Variants in ITGAL observed in about 807,000 individuals in gnomAD.
ITGAL encodes integrin alpha-L.
Under a neutral mutation model 138.4 loss-of-function variants are expected in ITGAL, and 68 were observed. That is an observed-to-expected ratio of 0.49 (90% CI 0.40 to 0.60). The LOEUF (loss-of-function observed/expected upper bound fraction) is 0.60, where lower values mean the gene tolerates loss of function less well. Ranked by LOEUF, ITGAL falls within the 20% of genes least tolerant of loss-of-function variation. The probability of loss-of-function intolerance (pLI) is 0.00; values close to 1 mark genes in which losing one functional copy is unlikely to be tolerated. For synonymous variants in ITGAL, 561 were observed against 584.3 expected (o/e 0.96, Z 0.57); for missense variants, 1,256 against 1,478.6 (o/e 0.85, Z 2.47).
Position 30,474,284 on chromosome 16 carries a change from G to T in ITGAL, c.150G>T (p.Leu50=). 6.2e-7 allele frequency: 1 copy of T among 1,606,178 alleles called. No homozygotes were observed. Among genetic ancestry groups the T allele is most frequent in the Non-Finnish European group, 8.5e-7 (1 of 1,176,174 alleles). The change falls in exon 2 of 31, where the codon CTG becomes CTT. Residue 50 remains leucine, a synonymous_variant. Transcript: ENST00000356798. ...RAGRHFGYRV[L]QVGNGVIVGA... Reference sequence around the variant, plus strand: ...GGAGGCACTTTGGATACCGCGTCCTGCAGGTCGGAAACGGGTGAGCTGTGC... The same window carrying T: ...GGAGGCACTTTGGATACCGCGTCCTTCAGGTCGGAAACGGGTGAGCTGTGC...
Position 30,494,614 on chromosome 16 carries a change from T to C in ITGAL, c.1366-99T>C. 1.4e-6 allele frequency: 2 copies of C among 1,401,848 alleles called. No individual in the cohort carries two copies. Among genetic ancestry groups the C allele is most frequent in the Middle Eastern group, 2.7e-4 (1 of 3,708 alleles). 86.8% of individuals were successfully genotyped at this position (1,401,848 alleles called of 1,614,324 possible). On this transcript the variant is annotated intron_variant, in intron 12 of 30. Transcript: ENST00000356798. This position sits in a 1 kb window ranked among gnomAD's most constrained non-coding sequence, Gnocchi z 4.2. Reference sequence around the variant, plus strand: ...GGTGGATCCAAGATTGGAACCTGCATTTGAGGGAGTGGCACAAGATGAACA... The same window carrying C: ...GGTGGATCCAAGATTGGAACCTGCACTTGAGGGAGTGGCACAAGATGAACA...
chr16:30,518,322 G>A (rs2151208379), intron 28 of ITGAL, among the ~76,000 whole-genome samples: 1 of 152,060 alleles, frequency 6.6e-6, no homozygotes, highest in South Asian at 2.1e-4. Context: ...GGTGGCACAT[G>A]CCTGTAATCC....
At chr16:30,506,877 T>G in intron 21 of ITGAL, 21 bp downstream of exon 21, 1 of 1,612,928 alleles carries the variant, frequency 6.2e-7, no homozygotes, top group Non-Finnish European at 8.5e-7. Context: ...GGACAGCGCC[T>G]GCCTGCGGGC....
intron 9 of ITGAL, 122 bp downstream of exon 9, chr16:30,484,385 G>A: frequency 1.1e-6 from 1 of 876,594 alleles, no homozygotes; most frequent in East Asian, 2.6e-5. Context: ...GAGGCAGGTG[G>A]ATCAATTGAG....
chr16:30,481,871 T>A (rs923329234), intron 7 of ITGAL, among the ~76,000 whole-genome samples: 2 of 151,888 alleles, frequency 1.3e-5, no homozygotes, highest in African/African-American at 4.8e-5. Context: ...GAAGTTTTTG[T>A]TTGTTTGTTT....
At chr16:30,486,851 A>G (rs1038843232) in intron 9 of ITGAL, among the ~76,000 whole-genome samples, 11 of 152,312 alleles carry the variant, frequency 7.2e-5, no homozygotes, top group African/African-American at 2.6e-4. Context: ...ACTGGAGTGC[A>G]GTAGTGCGAT....
intron 9 of ITGAL, among the ~76,000 whole-genome samples, chr16:30,487,138 G>A (rs1184888684): frequency 1.7e-5 from 2 of 116,662 alleles, no homozygotes; most frequent in African/African-American, 3.4e-5. Context: ...GTGAGACTCC[G>A]TCTCAAAAAA....
chr16:30,498,373 A>G (rs1419061955), intron 15 of ITGAL, among the ~76,000 whole-genome samples: 2 of 152,040 alleles, frequency 1.3e-5, no homozygotes, highest in Non-Finnish European at 2.9e-5. Flanking sequence ...GTGAGGATGC[A>G]GTGAGCTATG....
chr16:30,494,881 G>A lies in ITGAL; in HGVS notation c.1503+31G>A. 1 of 1,564,822 alleles carries A rather than the reference G, an allele frequency of 6.4e-7. No homozygotes were observed. The highest frequency in any genetic ancestry group is 8.7e-7 in the Non-Finnish European group (1 of 1,150,066). On this transcript the variant is annotated intron_variant, in intron 13 of 30. Transcript: ENST00000356798. The surrounding 1 kb of genome is among the most constrained non-coding windows in gnomAD (Gnocchi z 4.2). ...GCCAGGATCTGGAGCTGAGAGGGAG[G>A]AGGGAGAGCAGCAGAGATTCGCAGC... is the stretch of plus-strand genomic sequence containing the variant.
At chr16:30,493,354 G>C (rs971392437) in intron 11 of ITGAL, among the ~76,000 whole-genome samples, 1 of 151,306 alleles carries the variant, frequency 6.6e-6, no homozygotes, top group Non-Finnish European at 1.5e-5. Context: ...ATCTCAGCTC[G>C]CTTCAAGCTC....
In ITGAL at chr16:30,472,769, G is replaced by C; in HGVS notation, c.-69G>C. ...CATTTTCCTCTTTCACCCTGTCTAGGTTGCCAGCAAATCCCACGGGCCTCC... is the reference window on the plus strand; with the variant it reads ...CATTTTCCTCTTTCACCCTGTCTAGCTTGCCAGCAAATCCCACGGGCCTCC... On this transcript the variant is annotated 5_prime_UTR_variant, in exon 1 of 31. Coordinates refer to ENST00000356798, the MANE Select transcript of ITGAL (RefSeq NM_002209.3). The C allele has an allele frequency of 7.0e-7, 1 of 1,422,180 alleles. No individual in the cohort carries two copies. Among genetic ancestry groups the C allele is most frequent in the Non-Finnish European group, 9.9e-7 (1 of 1,014,580 alleles). The allele number at this position is 1,422,180 out of a possible 1,614,324, so 88.1% of individuals were successfully genotyped here.
At position 30,506,815 on chromosome 16, in the gene ITGAL, T is replaced by G. The variant is rs749966712; in HGVS notation, c.2467T>G (p.Phe823Val). 4.3e-6 allele frequency: 7 copies of G among 1,613,560 alleles called. No individual in the cohort carries two copies. Among genetic ancestry groups the G allele is most frequent in the Middle Eastern group, 1.6e-4 (1 of 6,062 alleles). ...TTACTGGGTCCAGCTGGACCTGCACTTCCCCCCGGGACTCTCCTTCCGCAA... is the reference window on the plus strand; with the variant it reads ...TTACTGGGTCCAGCTGGACCTGCACGTCCCCCCGGGACTCTCCTTCCGCAA... ...DAYWVQLDLHFPPGLSFRKVE... is the reference protein window; with the variant it reads ...DAYWVQLDLHVPPGLSFRKVE... Residue 823 changes from phenylalanine (F) to valine (V), a missense_variant, in exon 21 of 31, where the codon TTC becomes GTC. Transcript: ENST00000356798.
chr16:30,494,249 T>G lies in ITGAL; in HGVS notation c.1251T>G (p.Thr417=), dbSNP rs142661614. ...TVTWLPSRQK[T]SLLASGAPRY... is the part of the protein sequence containing the mutation. The stretch of plus-strand genomic sequence containing the variant: ...CCTGGCTGCCCTCCCGGCAAAAGAC[T>G]TCGTTGCTGGCCTCGGGAGCCCCTC... The change falls in exon 12 of 31, where the codon ACT becomes ACG. Residue 417 remains threonine, a synonymous_variant. Transcript: ENST00000356798. The surrounding 1 kb of genome is among the most constrained non-coding windows in gnomAD (Gnocchi z 4.2). 1.9e-6 allele frequency: 3 copies of G among 1,612,576 alleles called. No individual in the cohort carries two copies. The highest frequency in any genetic ancestry group is 2.5e-6 in the Non-Finnish European group (3 of 1,178,912).
rs2050560579 is a variant in ITGAL, at chr16:30,481,563, T to G, written c.701T>G (p.Phe234Cys). ...CACATGTTGCTGTTGACCAATACCT[T>G]TGGTGCCATCAATTATGTCGCGTGA... is the stretch of plus-strand genomic sequence containing the variant. ...VKHMLLLTNT[F>C]GAINYVATEV... is the part of the protein sequence containing the mutation. The change falls in exon 7 of 31, where the codon TTT becomes TGT. Residue 234 changes from phenylalanine to cysteine, a missense_variant. Transcript: ENST00000356798. 6.2e-7 allele frequency: 1 copy of G among 1,613,662 alleles called. No homozygotes were observed. Among genetic ancestry groups the G allele is most frequent in the Non-Finnish European group, 8.5e-7 (1 of 1,179,934 alleles).
intron 28 of ITGAL, 77 bp downstream of exon 28, chr16:30,517,972 C>T (rs1273850628): frequency 3.6e-6 from 4 of 1,116,882 alleles, no homozygotes; most frequent in Non-Finnish European, 2.7e-6. Flanking sequence ...GGGCTCCCAC[C>T]AGATAGTCTG....
Position 30,474,202 on chromosome 16 carries a change from C to T in ITGAL, c.68C>T (p.Ala23Val). The change falls in exon 2 of 31, where the codon GCC becomes GTC. Residue 23 changes from alanine (A) to valine (V), a missense_variant. By Grantham distance (64) the Ala-to-Val change is moderately conservative (BLOSUM62 0). This residue lies in a region of ITGAL where 212 missense variants were observed against 217.4 expected (regional missense o/e 0.98). Transcript: ENST00000356798. ...LLSGFFFFAPASSYNLDVRGA... is the reference protein window; with the variant it reads ...LLSGFFFFAPVSSYNLDVRGA... ...CGACCCTTGCCTTCCTCAGCGCCGG[C>T]CTCGAGCTACAACCTGGACGTGCGG... 6.2e-7 allele frequency: 1 copy of T among 1,601,570 alleles called. No homozygotes were observed. Among genetic ancestry groups the T allele is most frequent in the East Asian group, 2.3e-5 (1 of 44,250 alleles).
chr16:30,472,957 G>T, intron 1 of ITGAL, 59 bp downstream of exon 1: 1 of 1,501,254 alleles, frequency 6.7e-7, no homozygotes, highest in East Asian at 2.3e-5. Flanking sequence ...AAACTGCAGG[G>T]CTTGGTGCAG....
chr16:30,511,484 T>C (rs1457999806), intron 24 of ITGAL, among the ~76,000 whole-genome samples: 7 of 152,168 alleles, frequency 4.6e-5, no homozygotes, highest in Non-Finnish European at 8.8e-5. Context: ...ATTTTACCAA[T>C]GAACAAGCTG....
chr16:30,520,458 G>A (rs1009239287), intron 30 of ITGAL, among the ~76,000 whole-genome samples: 1 of 152,108 alleles, frequency 6.6e-6, no homozygotes, highest in Non-Finnish European at 1.5e-5. Context: ...CAGCAAGAGA[G>A]ACTTTTCCAC....
Sources: gnomAD v4.1 joint callset for allele counts (sites outside exome capture counted in the v4.1 genomes callset) on GRCh38, gnomAD v4.1.1 for gene constraint, gnomAD v4.1.1 regional missense constraint, Gnocchi (gnomAD v3.1) non-coding constraint, MANE v1.5 for transcripts, NCBI Gene and HGNC (gene_info 2026-07-23, HGNC 2026-07-21) for gene names.